Variants in C6orf89 observed in about 807,000 individuals in gnomAD.
The protein encoded by C6orf89 is chromosome 6 open reading frame 89.
Under a neutral mutation model 40.7 loss-of-function variants are expected in C6orf89, and 29 were observed. The observed-to-expected ratio is 0.71, with a 90% CI of 0.53 to 0.97. The LOEUF (loss-of-function observed/expected upper bound fraction) is 0.97. C6orf89 is among the 50% of genes least tolerant of loss of function. The pLI is 0.00. For synonymous variants in C6orf89, 165 were observed against 152.2 expected, an observed-to-expected ratio of 1.08 and a Z score of -0.62; for missense variants, 392 against 429.1, an observed-to-expected ratio of 0.91 and a Z score of 0.76.
upstream of C6orf89, among the ~76,000 whole-genome samples, chr6:36,881,054 T>C (rs1244780425): frequency 6.6e-6 from 1 of 152,220 alleles, no homozygotes; most frequent in Non-Finnish European, 1.5e-5. Flanking sequence ...GGGACACCTG[T>C]AGTTAGATGC....
rs187441030 is a variant in C6orf89, at chr6:36,900,262, C to T, written c.189+629C>T. 6.1e-3 allele frequency among the ~76,000 whole-genome samples: 862 copies of T among 141,792 alleles called. 7 individuals are homozygous for T. Among genetic ancestry groups the T allele is most frequent in the African/African-American group, 0.02 (760 of 37,562 alleles). 93.0% of individuals were successfully genotyped at this position (141,792 alleles called of 152,430 possible). ...TGTTGCCCAGGCTGGAGTGCAGTGG[C>T]GTGATCTCAGCTCACTGCAACCTCC... On this transcript the variant is annotated intron_variant, in intron 3 of 8. Coordinates refer to ENST00000480824, the MANE Select transcript of C6orf89 (RefSeq NM_001286635.2).
chr6:36,897,682 G>T (rs955215605), intron 2 of C6orf89, among the ~76,000 whole-genome samples: 3 of 152,206 alleles, frequency 2.0e-5, no homozygotes, highest in South Asian at 4.1e-4. Context: ...TGATTCTAAT[G>T]TGCAAGCCAG....
chr6:36,888,566 A>G (rs6909988), intron 1 of C6orf89, among the ~76,000 whole-genome samples: 76,919 of 152,026 alleles, frequency 0.51, 19,993 homozygotes, highest in East Asian at 0.66. Flanking sequence ...GCCAGGAGAC[A>G]GAGGTTGCAG....
intron 3 of C6orf89, among the ~76,000 whole-genome samples, chr6:36,901,681 T>TG: frequency 6.7e-6 from 1 of 148,336 alleles, no homozygotes; most frequent in East Asian, 2.0e-4. Context: ...TTTTTATTTT[T>TG]TTTTTGAGAC....
chr6:36,898,539 G>A (rs1425796742), intron 2 of C6orf89, among the ~76,000 whole-genome samples: 2 of 151,976 alleles, frequency 1.3e-5, no homozygotes, highest in African/African-American at 4.8e-5. Context: ...TCAGCCTCCC[G>A]AAGTGCTGGG....
chr6:36,911,525 A>G lies in C6orf89; in HGVS notation c.404-2759A>G, dbSNP rs567759551. 2.2e-3 allele frequency among the ~76,000 whole-genome samples: 337 copies of G among 152,186 alleles called. 2 individuals carry two copies. The highest frequency in any genetic ancestry group is 7.8e-3 in the African/African-American group (325 of 41,542). ...AATAATAATAATAATTAAATAAATT[A>G]TAGTTAAAATAATTCTCCTAACTCT... On this transcript the variant is annotated intron_variant, in intron 4 of 8. Coordinates refer to ENST00000480824, the MANE Select transcript of C6orf89 (RefSeq NM_001286635.2).
chr6:36,910,501 G>A (rs570161514), intron 4 of C6orf89, among the ~76,000 whole-genome samples: 3 of 152,264 alleles, frequency 2.0e-5, no homozygotes, highest in Non-Finnish European at 2.9e-5. Flanking sequence ...GCCAAGGCGG[G>A]TGGATTGCTT....
chr6:36,914,790 G>A, intron 6 of C6orf89, 97 bp downstream of exon 6: 1 of 1,453,024 alleles, frequency 6.9e-7, no homozygotes, highest in East Asian at 2.3e-5. Flanking sequence ...AGGAGTTGCA[G>A]ACCAGCCTGG....
At chr6:36,913,120 C>T (rs1321187772) in intron 4 of C6orf89, among the ~76,000 whole-genome samples, 1 of 152,118 alleles carries the variant, frequency 6.6e-6, no homozygotes, top group Non-Finnish European at 1.5e-5. Context: ...AGAAAGTAAA[C>T]AAGAAATAAT....
At chr6:36,904,703 G>A (rs1033283609) in intron 4 of C6orf89, among the ~76,000 whole-genome samples, 1 of 152,142 alleles carries the variant, frequency 6.6e-6, no homozygotes, top group African/African-American at 2.4e-5. Context: ...TTCAGGTTAG[G>A]ATTAGTTGGC....
At chr6:36,886,878 A>C (rs893440770) in intron 1 of C6orf89, among the ~76,000 whole-genome samples, 1 of 152,232 alleles carries the variant, frequency 6.6e-6, no homozygotes, top group Non-Finnish European at 1.5e-5. Context: ...ATAACTAATA[A>C]ATTCAATTCT....
chr6:36,887,032 AC>A, intron 1 of C6orf89, among the ~76,000 whole-genome samples: 1 of 152,130 alleles, frequency 6.6e-6, no homozygotes, highest in Non-Finnish European at 1.5e-5. Flanking sequence ...CAGCTACTCC[AC>A]ACACCAGAAA....
intron 4 of C6orf89, among the ~76,000 whole-genome samples, chr6:36,903,498 C>T (rs570463709): frequency 1.3e-5 from 2 of 151,918 alleles, no homozygotes; most frequent in South Asian, 2.1e-4. Flanking sequence ...CTCGCTCTGT[C>T]GCCCAGGCTG....
intron 1 of C6orf89, among the ~76,000 whole-genome samples, chr6:36,878,638 G>T (rs1561852594): frequency 6.6e-6 from 1 of 152,064 alleles, no homozygotes; most frequent in African/African-American, 2.4e-5. Context: ...AGTCCTTGTG[G>T]ATGAACTATA....
At chr6:36,886,134 AC>A (rs1774976374) in intron 1 of C6orf89, 106 bp downstream of exon 1, 1 of 999,828 alleles carries the variant, frequency 1.0e-6, no homozygotes, top group African/African-American at 1.7e-5. Context: ...CGCTGCTACC[AC>A]CCTCTATCCC....
intron 4 of C6orf89, among the ~76,000 whole-genome samples, chr6:36,905,935 C>G (rs1168808325): frequency 6.6e-6 from 1 of 152,202 alleles, no homozygotes; most frequent in Non-Finnish European, 1.5e-5. Context: ...AGCATTCTGT[C>G]CAAGATATCA....
In C6orf89 at chr6:36,926,416, C is replaced by T. The variant is rs760280036; in HGVS notation, c.*2975C>T. 1.3e-5 allele frequency: 2 copies of T among 151,730 alleles called. No individual in the cohort carries two copies. The highest frequency in any genetic ancestry group is 2.9e-5 in the Non-Finnish European group (2 of 67,962). 9.4% of individuals were successfully genotyped at this position (151,730 alleles called of 1,614,324 possible). On this transcript the variant is annotated 3_prime_UTR_variant, in exon 9 of 9. Coordinates refer to ENST00000480824, the MANE Select transcript of C6orf89 (RefSeq NM_001286635.2). ...GGCGTGATGGTGGGCGCCTGTAATCCCAGCTACACAGGAAGCTGAGGCAGG... is the reference window on the plus strand; with the variant it reads ...GGCGTGATGGTGGGCGCCTGTAATCTCAGCTACACAGGAAGCTGAGGCAGG...
At chr6:36,884,982 A>G (rs1157575641), upstream of C6orf89, among the ~76,000 whole-genome samples, 1 of 152,242 alleles carries the variant, frequency 6.6e-6, no homozygotes, top group Non-Finnish European at 1.5e-5. The surrounding 1 kb of genome is among the most constrained non-coding windows in gnomAD (Gnocchi z 4.0). Context: ...ATACAGGTAC[A>G]CTTATGACAG....
intron 7 of C6orf89, 118 bp downstream of exon 7, chr6:36,916,692 G>A (rs1163601558): frequency 8.1e-7 from 1 of 1,238,582 alleles, no homozygotes; most frequent in East Asian, 2.4e-5. Flanking sequence ...GAATTGAGGG[G>A]ACACCCACAC....
Sources: allele counts gnomAD v4.1 joint callset (sites outside exome capture counted in the v4.1 genomes callset), GRCh38; gene constraint gnomAD v4.1.1; non-coding constraint Gnocchi (gnomAD v3.1); transcripts MANE v1.5; gene names NCBI Gene and HGNC (gene_info 2026-07-23, HGNC 2026-07-21).